FAM168B: variants seen among roughly 807,000 people sequenced by gnomAD.
FAM168B encodes the protein myelin-associated neurite-outgrowth inhibitor.
In FAM168B, 19 loss-of-function variants were observed where a neutral mutation model predicts 21.8. The ratio of observed to expected loss-of-function variants is 0.87; its 90% CI spans 0.61 to 1.28. The LOEUF is 1.28. Ranked by LOEUF, FAM168B falls within the 50% of genes most tolerant of loss-of-function variation. The probability of loss-of-function intolerance (pLI) is 0.00; values close to 1 mark genes in which losing one functional copy is unlikely to be tolerated. For missense variants in FAM168B, 233 were observed against 263.1 expected (o/e 0.89, Z 0.79); for synonymous variants, 126 against 104.8 (o/e 1.20, Z -1.24).
chr2:131,050,482 C>T lies in FAM168B; in HGVS notation c.*1983G>A, dbSNP rs1691595154. 11 of 985,584 alleles carry T rather than the reference C, an allele frequency of 1.1e-5. No individual in the cohort carries two copies. The highest frequency in any genetic ancestry group is 9.4e-5 in the South Asian group (2 of 21,262). The allele number at this position is 985,584 out of a possible 1,614,324, so 61.1% of individuals were successfully genotyped here. ...GAAAGGGGCACAAACTGTGTGCCTG[C>T]GGTAAATGTCTGCCCCCACACATAG... is the stretch of plus-strand genomic sequence containing the variant. On this transcript the variant is annotated 3_prime_UTR_variant, in exon 7 of 7. Transcript: ENST00000389915.
intron 2 of FAM168B, among the ~76,000 whole-genome samples, chr2:131,076,032 C>T (rs1189273650): frequency 6.6e-6 from 1 of 152,100 alleles, no homozygotes; most frequent in Non-Finnish European, 1.5e-5. Context: ...AGCGTGGCTC[C>T]CCTCACTATC....
intron 1 of FAM168B, among the ~76,000 whole-genome samples, chr2:131,085,993 C>T (rs1693676579): frequency 6.6e-6 from 1 of 152,150 alleles, no homozygotes; most frequent in African/African-American, 2.4e-5. Context: ...CTGGACAGTG[C>T]AGGCCTACAG....
At chr2:131,076,356 C>A (rs530645987) in intron 2 of FAM168B, among the ~76,000 whole-genome samples, 2 of 152,280 alleles carry the variant, frequency 1.3e-5, no homozygotes, top group South Asian at 4.1e-4. Flanking sequence ...AAACCTGAAT[C>A]ATTTCTACAA....
intron 5 of FAM168B, among the ~76,000 whole-genome samples, chr2:131,054,208 TAAA>T (rs925975132): frequency 6.8e-6 from 1 of 147,338 alleles, no homozygotes; most frequent in Non-Finnish European, 1.5e-5. Flanking sequence ...GACCCTGTCT[TAAA>T]AAAAAATATT....
chr2:131,052,154 GTGTT>G lies in FAM168B; in HGVS notation c.*307_*310del, dbSNP rs1691717246. On this transcript the variant is annotated 3_prime_UTR_variant, in exon 7 of 7. Coordinates refer to ENST00000389915, the MANE Select transcript of FAM168B (RefSeq NM_001009993.4). ...TGCAGGTAGATTGAGCAAGCTTTTT[GTGTT>G]TGTTTTTTTAAACATGCATTCAACT... The G allele has an allele frequency of 1.0e-6, 1 of 985,636 alleles. No homozygotes were observed. Among genetic ancestry groups the G allele is most frequent in the Non-Finnish European group, 1.2e-6 (1 of 829,914 alleles). 61.1% of individuals were successfully genotyped at this position (985,636 alleles called of 1,614,324 possible). A position where few individuals can be genotyped will look rare whatever the true frequency, so the allele number is the denominator to read the frequency against.
In FAM168B at chr2:131,048,084, G is replaced by T. The variant is rs1309568660; in HGVS notation, c.*4381C>A. The T allele has an allele frequency of 1.2e-6, 1 of 839,730 alleles. No individual in the cohort carries two copies. The highest frequency in any genetic ancestry group is 3.6e-5 in the Admixed American group (1 of 28,016). 52.0% of individuals were successfully genotyped at this position (839,730 alleles called of 1,614,324 possible). A position where few individuals can be genotyped will look rare whatever the true frequency, so the allele number is the denominator to read the frequency against. ...GGATACGTAAGTTCAATGCAGAGGTGAGGGATGCCTTTAACACTGGAAGAC... is the reference window on the plus strand; with the variant it reads ...GGATACGTAAGTTCAATGCAGAGGTTAGGGATGCCTTTAACACTGGAAGAC... On this transcript the variant is annotated 3_prime_UTR_variant, in exon 7 of 7. Transcript: ENST00000389915.
intron 1 of FAM168B, among the ~76,000 whole-genome samples, chr2:131,088,525 T>C (rs1475077829): frequency 2.0e-5 from 3 of 152,194 alleles, no homozygotes; most frequent in East Asian, 3.8e-4. Flanking sequence ...CTGAAACAAC[T>C]GTAAACAGAG....
At chr2:131,073,231 T>A (rs1196557381) in intron 2 of FAM168B, among the ~76,000 whole-genome samples, 1 of 152,070 alleles carries the variant, frequency 6.6e-6, no homozygotes, top group Non-Finnish European at 1.5e-5. Context: ...TAGCTGGGAC[T>A]ACAGGCGTGC....
At chr2:131,057,807 C>T (rs1692101629) in intron 3 of FAM168B, among the ~76,000 whole-genome samples, 1 of 152,000 alleles carries the variant, frequency 6.6e-6, no homozygotes, top group Admixed American at 6.6e-5. Flanking sequence ...GGGCTGTTAG[C>T]AATATGTACG....
chr2:131,057,929 C>T (rs183380639), intron 3 of FAM168B, among the ~76,000 whole-genome samples: 1 of 152,140 alleles, frequency 6.6e-6, no homozygotes, highest in East Asian at 1.9e-4. Flanking sequence ...CTCCTGGGTT[C>T]AAGCAATTCT....
intron 2 of FAM168B, among the ~76,000 whole-genome samples, chr2:131,073,161 C>T (rs1558975064): frequency 1.3e-5 from 2 of 150,002 alleles, no homozygotes; most frequent in Middle Eastern, 3.2e-3. Context: ...GGTGAGATCT[C>T]GGCTCACTGC....
At chr2:131,077,301 G>C (rs1351887123) in intron 2 of FAM168B, among the ~76,000 whole-genome samples, 1 of 151,942 alleles carries the variant, frequency 6.6e-6, no homozygotes, top group East Asian at 1.9e-4. Context: ...AACGCCGCCT[G>C]CATCTCTTTT....
At chr2:131,086,579 GGAGCAAGA>G (rs1166645095) in intron 1 of FAM168B, among the ~76,000 whole-genome samples, 1 of 152,104 alleles carries the variant, frequency 6.6e-6, no homozygotes, top group Middle Eastern at 3.2e-3. Context: ...CCTAGACAAT[GGAGCAAGA>G]CCCTATCTCA....
chr2:131,076,734 G>C (rs1245300344), intron 2 of FAM168B, among the ~76,000 whole-genome samples: 13 of 150,932 alleles, frequency 8.6e-5, no homozygotes, highest in South Asian at 2.1e-4. Flanking sequence ...TTAAGCAAAA[G>C]GACAAATTCA....
intron 1 of FAM168B, among the ~76,000 whole-genome samples, chr2:131,091,566 G>A (rs1405721402): frequency 6.6e-6 from 1 of 150,636 alleles, no homozygotes; most frequent in Non-Finnish European, 1.5e-5. Flanking sequence ...AGAATCCCTT[G>A]AGCCCGGGAG....
intron 2 of FAM168B, among the ~76,000 whole-genome samples, chr2:131,078,095 T>C (rs188005246): frequency 7.2e-5 from 11 of 152,262 alleles, no homozygotes; most frequent in African/African-American, 2.6e-4. Context: ...CACCCATAAT[T>C]TCTAATACAC....
At chr2:131,067,816 A>T (rs1013289832) in intron 3 of FAM168B, among the ~76,000 whole-genome samples, 2 of 152,092 alleles carry the variant, frequency 1.3e-5, no homozygotes, top group African/African-American at 2.4e-5. Context: ...CTTCTCTTTT[A>T]AATTTTTTAT....
At position 131,048,982 on chromosome 2, in the gene FAM168B, A is replaced by ATT. The variant is rs957777186; in HGVS notation, c.*3482_*3483insAA. ...CTGCTCAGAGTAACACTGTTCTCAAATGTTTAAAAAGGACAGGTGAAGTCT... is the reference window on the plus strand; with the variant it reads ...CTGCTCAGAGTAACACTGTTCTCAAATTTGTTTAAAAAGGACAGGTGAAGTCT... On this transcript the variant is annotated 3_prime_UTR_variant, in exon 7 of 7. Transcript: ENST00000389915. 12 of 985,544 alleles carry ATT rather than the reference A, an allele frequency of 1.2e-5. No individual in the cohort carries two copies. In the African/African-American group the frequency reaches 2.1e-4, roughly 17 times the overall value. The allele number at this position is 985,544 out of a possible 1,614,324, so 61.0% of individuals were successfully genotyped here. A position where few individuals can be genotyped will look rare whatever the true frequency, so the allele number is the denominator to read the frequency against.
At chr2:131,092,941 T>C (rs1694109820) in intron 1 of FAM168B, among the ~76,000 whole-genome samples, 1 of 151,952 alleles carries the variant, frequency 6.6e-6, no homozygotes, top group Non-Finnish European at 1.5e-5. Context: ...GACCCCGACC[T>C]TTAGGAGAAC....
Sources: allele counts gnomAD v4.1 joint callset (sites outside exome capture counted in the v4.1 genomes callset), GRCh38; gene constraint gnomAD v4.1.1; transcripts MANE v1.5; gene names NCBI Gene and HGNC (gene_info 2026-07-23, HGNC 2026-07-21).